KHDRBS1: variants seen among roughly 807,000 people sequenced by gnomAD.
The protein encoded by KHDRBS1 is KH domain-containing, RNA-binding, signal transduction-associated protein 1.
KHDRBS1 carries 7 observed loss-of-function variants against 48.4 expected under a neutral mutation model. That is an observed-to-expected ratio of 0.14 (90% CI 0.08 to 0.27). The LOEUF is 0.27. KHDRBS1 is among the 10% of genes least tolerant of loss of function. KHDRBS1 has a pLI of 1.00. For synonymous variants in KHDRBS1, 241 were observed against 235.8 expected (o/e 1.02, Z -0.20); for missense variants, 458 against 601.2 (o/e 0.76, Z 2.49).
chr1:32,031,974 A>G (rs1639089266), intron 3 of KHDRBS1, among the ~76,000 whole-genome samples: 1 of 152,204 alleles, frequency 6.6e-6, no homozygotes, highest in Non-Finnish European at 1.5e-5. Flanking sequence ...AAAGCAGACA[A>G]AAGACGCTAA....
chr1:32,042,501 A>G, intron 8 of KHDRBS1, 26 bp from the exon 9 acceptor site: 1 of 1,544,976 alleles, frequency 6.5e-7, no homozygotes, highest in Non-Finnish European at 8.9e-7. Context: ...CACATGGTTT[A>G]TAAACTGTCT....
At chr1:32,024,491 T>A (rs1225232034) in intron 1 of KHDRBS1, among the ~76,000 whole-genome samples, 5 of 151,802 alleles carry the variant, frequency 3.3e-5, no homozygotes, top group African/African-American at 7.3e-5. Flanking sequence ...AATTTATTTT[T>A]TTTTTTTTTA....
intron 10 of KHDRBS1, among the ~76,000 whole-genome samples, chr1:32,051,500 G>A (rs1197684561): frequency 6.6e-6 from 1 of 152,172 alleles, no homozygotes; most frequent in African/African-American, 2.4e-5. Context: ...TTTTATTTCT[G>A]TATTATACTG....
At chr1:32,048,315 C>T (rs548436404), downstream of KHDRBS1, among the ~76,000 whole-genome samples, 4 of 152,150 alleles carry the variant, frequency 2.6e-5, no homozygotes, top group South Asian at 2.1e-4. Flanking sequence ...CAAGACAAGC[C>T]GGGACAACAT....
At chr1:32,023,638 T>C (rs1286953347) in intron 1 of KHDRBS1, among the ~76,000 whole-genome samples, 1 of 152,202 alleles carries the variant, frequency 6.6e-6, no homozygotes, top group Non-Finnish European at 1.5e-5. Flanking sequence ...TAGAAAGTAC[T>C]TTTGCCTGAG....
chr1:32,040,201 G>A (rs1324193313), intron 8 of KHDRBS1, among the ~76,000 whole-genome samples: 2 of 152,076 alleles, frequency 1.3e-5, no homozygotes, highest in African/African-American at 4.8e-5. Context: ...ATCACCTGTG[G>A]TCAGGAGTTC....
At chr1:32,029,766 AATTAGGCATATCTACGTATTTT>A (rs2124374746) in intron 1 of KHDRBS1, among the ~76,000 whole-genome samples, 1 of 152,338 alleles carries the variant, frequency 6.6e-6, no homozygotes, top group Non-Finnish European at 1.5e-5. Context: ...AATTGGCCTT[AATTAGGCATATCTACGTATTTT>A]ATTAACTTAG....
At chr1:32,045,813 C>A (rs1046974201), downstream of KHDRBS1, among the ~76,000 whole-genome samples, 7 of 152,202 alleles carry the variant, frequency 4.6e-5, no homozygotes, top group African/African-American at 1.7e-4. Context: ...ACCACAGGAA[C>A]GATCTTGAAA....
intron 10 of KHDRBS1, chr1:32,052,786 C>G (rs890113787): frequency 6.6e-6 from 1 of 152,118 alleles, no homozygotes. Flanking sequence ...CATGCATTGA[C>G]TATTTACTCT....
At chr1:32,058,610 C>T (rs1639508915) in intron 10 of KHDRBS1, among the ~76,000 whole-genome samples, 1 of 152,040 alleles carries the variant, frequency 6.6e-6, no homozygotes, top group Admixed American at 6.6e-5. Context: ...GGTTATGGGG[C>T]CCTGTTAAGA....
chr1:32,014,452 G>A (rs763082429), intron 1 of KHDRBS1, 75 bp downstream of exon 1: 71 of 1,248,894 alleles, frequency 5.7e-5, no homozygotes, highest in Non-Finnish European at 7.1e-5. Flanking sequence ...TGTTCCTCTC[G>A]CTTCCCGCCC....
intron 1 of KHDRBS1, among the ~76,000 whole-genome samples, chr1:32,019,435 G>A (rs1480899412): frequency 6.6e-6 from 1 of 151,412 alleles, no homozygotes; most frequent in Non-Finnish European, 1.5e-5. Flanking sequence ...CTGTAATGCC[G>A]GCTACTTGGA....
chr1:32,019,816 C>T (rs956790654), intron 1 of KHDRBS1, among the ~76,000 whole-genome samples: 3 of 152,020 alleles, frequency 2.0e-5, no homozygotes, highest in Non-Finnish European at 1.5e-5. Flanking sequence ...CTGTCGCTCA[C>T]GCTGGAGTGC....
intron 1 of KHDRBS1, 47 bp downstream of exon 1, chr1:32,014,424 C>A: frequency 7.8e-7 from 1 of 1,290,024 alleles, no homozygotes. Context: ...CCATCCCGGG[C>A]ATGAGTGGCC....
At chr1:32,039,007 T>C (rs1639235491) in intron 7 of KHDRBS1, among the ~76,000 whole-genome samples, 2 of 152,252 alleles carry the variant, frequency 1.3e-5, no homozygotes, top group South Asian at 2.1e-4. Flanking sequence ...CTTTATGTTA[T>C]TTTGATTTAT....
At chr1:32,037,101 C>T in intron 5 of KHDRBS1, 58 bp downstream of exon 5, 2 of 1,564,262 alleles carry the variant, frequency 1.3e-6, no homozygotes. Context: ...AGTGTCATCT[C>T]TTTTAGTGGT....
intron 5 of KHDRBS1, 88 bp downstream of exon 5, chr1:32,037,131 G>A: frequency 1.4e-6 from 2 of 1,426,376 alleles, no homozygotes; most frequent in South Asian, 1.3e-5. Flanking sequence ...TCTAGCTTAG[G>A]AAGGGTCTCA....
At chr1:32,025,039 G>A (rs781106465) in intron 1 of KHDRBS1, among the ~76,000 whole-genome samples, 2 of 151,788 alleles carry the variant, frequency 1.3e-5, no homozygotes, top group Non-Finnish European at 2.9e-5. Context: ...AGGCCGAAGT[G>A]GAAGGATCAT....
At chr1:32,032,211 G>T (rs1639094780) in intron 3 of KHDRBS1, among the ~76,000 whole-genome samples, 1 of 152,178 alleles carries the variant, frequency 6.6e-6, no homozygotes, top group Non-Finnish European at 1.5e-5. Context: ...TCTGTGACAA[G>T]AAACTTCTCA....
Sources: allele counts gnomAD v4.1 joint callset (sites outside exome capture counted in the v4.1 genomes callset), GRCh38; gene constraint gnomAD v4.1.1; transcripts MANE v1.5; gene names NCBI Gene and HGNC (gene_info 2026-07-23, HGNC 2026-07-21).